The following KIAA0825 variants were observed in gnomAD, a reference collection of about 807,000 sequenced individuals.
The protein encoded by KIAA0825 is uncharacterized protein KIAA0825.
KIAA0825 carries 119 observed loss-of-function variants against 147.6 expected under a neutral mutation model. The ratio of observed to expected loss-of-function variants is 0.81; its 90% CI spans 0.69 to 0.94. KIAA0825 has a LOEUF of 0.94. KIAA0825 is among the 40% of genes least tolerant of loss of function. KIAA0825 has a pLI of 0.00. For missense variants in KIAA0825, 1,381 were observed against 1,472.7 expected, an observed-to-expected ratio of 0.94 and a Z score of 1.02; for synonymous variants, 470 against 518.1, an observed-to-expected ratio of 0.91 and a Z score of 1.26.
At chr5:94,180,848 A>AT (rs970806006) in intron 20 of KIAA0825, among the ~76,000 whole-genome samples, 3 of 151,684 alleles carry the variant, frequency 2.0e-5, no homozygotes, top group Non-Finnish European at 4.4e-5. Flanking sequence ...AGTGGTTTTT[A>AT]TTTTTTTCAG....
At chr5:94,403,442 TC>T (rs1751652365) in intron 16 of KIAA0825, 126 bp downstream of exon 16, 1 of 671,880 alleles carries the variant, frequency 1.5e-6, no homozygotes, top group Non-Finnish European at 2.5e-6. Context: ...GGGTCGCACA[TC>T]TACTTAATGG....
At chr5:94,364,450 C>G (rs975740253) in intron 20 of KIAA0825, among the ~76,000 whole-genome samples, 2 of 151,808 alleles carry the variant, frequency 1.3e-5, no homozygotes, top group East Asian at 1.9e-4. Context: ...GACACGATCT[C>G]GGCTCACTGC....
intron 20 of KIAA0825, among the ~76,000 whole-genome samples, chr5:94,249,682 G>C (rs750888548): frequency 1.3e-5 from 2 of 151,848 alleles, no homozygotes; most frequent in African/African-American, 2.4e-5. Flanking sequence ...CAGCTCAAAT[G>C]CTTCTTCCTC....
chr5:94,593,108 G>T, intron 1 of KIAA0825: 1 of 738,508 alleles, frequency 1.4e-6, no homozygotes, highest in Non-Finnish European at 2.5e-6. Flanking sequence ...TTAATGAATG[G>T]CAATACCCTG....
rs1758209448 is a variant in KIAA0825 at position 94,450,064 on chromosome 5, AGT to A, written c.2357+2893_2357+2894del. The stretch of plus-strand genomic sequence containing the variant: ...CATTGGACTCCAGCCTGGGTGACAG[AGT>A]GAAACTCCATCTCAAAAAAAGAGTA... On this transcript the variant is annotated intron_variant, in intron 13 of 20. Coordinates refer to ENST00000682413, the MANE Select transcript of KIAA0825 (RefSeq NM_001145678.3). Among the ~76,000 whole-genome samples the A allele has an allele frequency of 2.0e-5, 3 of 152,122 alleles. No individual in the cohort carries two copies. In the South Asian group the frequency reaches 6.2e-4, roughly 32 times the overall value.
intron 3 of KIAA0825, among the ~76,000 whole-genome samples, chr5:94,534,762 A>G (rs955652678): frequency 6.6e-6 from 1 of 152,192 alleles, no homozygotes; most frequent in Non-Finnish European, 1.5e-5. Flanking sequence ...AATCCAGAAC[A>G]AAAGCATCAG....
chr5:94,419,121 C>G (rs1753848562), intron 14 of KIAA0825, among the ~76,000 whole-genome samples: 1 of 152,116 alleles, frequency 6.6e-6, no homozygotes. Flanking sequence ...AGTGATCCTT[C>G]TACCTCAGCC....
rs1767119662 is a variant in KIAA0825 at position 94,157,230 on chromosome 5, T to G, written c.3711-3106A>C. 2.0e-5 allele frequency among the ~76,000 whole-genome samples: 3 copies of G among 152,154 alleles called. No individual in the cohort carries two copies. The South Asian group carries it at 6.2e-4, about 32-fold the overall frequency. On this transcript the variant is annotated intron_variant, in intron 20 of 20. Transcript: ENST00000682413. ...ATTTTGGTAGCCTGCCCTTTTGTATTATTGCTGAATTCCCCCACCTGCCTA... is the reference window on the plus strand; with the variant it reads ...ATTTTGGTAGCCTGCCCTTTTGTATGATTGCTGAATTCCCCCACCTGCCTA...
intron 20 of KIAA0825, among the ~76,000 whole-genome samples, chr5:94,216,549 C>G (rs763051760): frequency 1.8e-4 from 27 of 152,154 alleles, no homozygotes; most frequent in Non-Finnish European, 3.1e-4. Flanking sequence ...CAATGATTAC[C>G]TAGTCCTGGG....
intron 5 of KIAA0825, 167 bp downstream of exon 5, chr5:94,520,081 A>G (rs745731660): frequency 5.3e-4 from 602 of 1,143,870 alleles, no homozygotes; most frequent in Non-Finnish European, 6.3e-4. Context: ...TTATAACTAC[A>G]ATTATAGAAA....
At chr5:94,350,348 T>C (rs1469244147) in intron 20 of KIAA0825, among the ~76,000 whole-genome samples, 1 of 152,090 alleles carries the variant, frequency 6.6e-6, no homozygotes, top group Non-Finnish European at 1.5e-5. Flanking sequence ...TTCTATCAGA[T>C]ATTCAAAGAA....
intron 20 of KIAA0825, among the ~76,000 whole-genome samples, chr5:94,361,413 T>C (rs1387446230): frequency 6.6e-6 from 1 of 152,220 alleles, no homozygotes; most frequent in Non-Finnish European, 1.5e-5. Flanking sequence ...CATTCCATTA[T>C]AGCATAATGA....
intron 17 of KIAA0825, among the ~76,000 whole-genome samples, chr5:94,392,832 T>G (rs1288349700): frequency 6.6e-6 from 1 of 152,206 alleles, no homozygotes; most frequent in East Asian, 1.9e-4. Flanking sequence ...AGGAGGAACT[T>G]TAAGATCATA....
intron 20 of KIAA0825, among the ~76,000 whole-genome samples, chr5:94,159,178 C>T (rs567403293): frequency 6.6e-6 from 1 of 152,232 alleles, no homozygotes; most frequent in South Asian, 2.1e-4. Flanking sequence ...AGTATGGCTC[C>T]ACCTGTCTTG....
chr5:94,296,860 GA>G (rs906247109), intron 20 of KIAA0825, among the ~76,000 whole-genome samples: 25 of 152,174 alleles, frequency 1.6e-4, no homozygotes, highest in Non-Finnish European at 2.8e-4. Context: ...CCAGCCACCA[GA>G]AAATTTTAAT....
intron 20 of KIAA0825, among the ~76,000 whole-genome samples, chr5:94,248,309 C>T (rs1392918536): frequency 2.0e-5 from 3 of 152,240 alleles, no homozygotes. Flanking sequence ...GACAAAATCT[C>T]CTCTTTGTCC....
chr5:94,259,512 T>A (rs755167370), intron 20 of KIAA0825, among the ~76,000 whole-genome samples: 4 of 152,026 alleles, frequency 2.6e-5, no homozygotes, highest in Non-Finnish European at 5.9e-5. Flanking sequence ...AGACTTAACA[T>A]GCTTGCCTGT....
At chr5:94,606,343 T>C (rs1485255560) in intron 1 of KIAA0825, among the ~76,000 whole-genome samples, 1 of 152,198 alleles carries the variant, frequency 6.6e-6, no homozygotes, top group African/African-American at 2.4e-5. Flanking sequence ...AAGTAATTTA[T>C]AGATTCAATG....
chr5:94,169,715 A>G lies in KIAA0825; in HGVS notation c.3711-15591T>C, dbSNP rs544793613. Among the ~76,000 whole-genome samples the G allele has an allele frequency of 2.6e-5, 4 of 152,310 alleles. No homozygotes were observed. The South Asian group carries it at 8.3e-4, about 32-fold the overall frequency. The stretch of plus-strand genomic sequence containing the variant: ...ATTCCTTTCATTCTTTCAGGAATTC[A>G]ATTATTTACTGAATGACTATGTTCG... On this transcript the variant is annotated intron_variant, in intron 20 of 20. Coordinates refer to ENST00000682413, the MANE Select transcript of KIAA0825 (RefSeq NM_001145678.3).
Sources: gnomAD v4.1 joint callset for allele counts (sites outside exome capture counted in the v4.1 genomes callset) on GRCh38, gnomAD v4.1.1 for gene constraint, MANE v1.5 for transcripts, NCBI Gene and HGNC (gene_info 2026-07-23, HGNC 2026-07-21) for gene names.